Variants in TRPM1 observed in about 807,000 individuals in gnomAD.
TRPM1 encodes the protein transient receptor potential cation channel subfamily M member 1, also known as TRPM1-203 APA Isoform, Intron 10.
A neutral mutation model predicts 149.4 loss-of-function variants in TRPM1; 113 were observed. That is an observed-to-expected ratio of 0.76 (90% CI 0.65 to 0.88). TRPM1 has a LOEUF of 0.88. Ranked by LOEUF, TRPM1 falls within the 40% of genes least tolerant of loss-of-function variation. TRPM1 has a pLI of 0.00. For missense variants in TRPM1, 1,976 were observed against 2,038.7 expected (o/e 0.97, Z 0.59); for synonymous variants, 741 against 759.5 (o/e 0.98, Z 0.40).
chr15:31,088,749 A>C (rs552831810), intron 1 of TRPM1, among the ~76,000 whole-genome samples: 1 of 147,784 alleles, frequency 6.8e-6, no homozygotes, highest in African/African-American at 2.5e-5. Flanking sequence ...TCTTCCTGCT[A>C]CCTGTGGGAA....
rs764504417 is a variant in TRPM1 at position 31,002,987 on chromosome 15, C to G, written c.3713G>C (p.Arg1238Pro). 1 of 1,593,860 alleles carries G rather than the reference C, an allele frequency of 6.3e-7. No individual in the cohort carries two copies. The highest frequency in any genetic ancestry group is 2.2e-5 in the East Asian group (1 of 44,756). The part of the protein sequence containing the change: ...MKTSLQTVDL[R>P]LAQLEELSNR... ...AGATAATTCTTCTAGCTGAGCAAGTCGAAGGTCAACAGTCTGCAGGGAAGT... is the reference window on the plus strand; with the variant it reads ...AGATAATTCTTCTAGCTGAGCAAGTGGAAGGTCAACAGTCTGCAGGGAAGT... Residue 1238 changes from arginine to proline, a missense_variant, in exon 28 of 28, where the codon CGA (arginine) becomes CCA (proline). Coordinates refer to ENST00000256552, the MANE Select transcript of TRPM1 (RefSeq NM_001252024.2).
At position 31,067,942 on chromosome 15, in the gene TRPM1, T is replaced by C. The variant is rs1413143944; in HGVS notation, c.430A>G (p.Lys144Glu). Residue 144 changes from lysine (K) to glutamate (E), a missense_variant, in exon 5 of 28, where the codon AAA becomes GAA. Around this residue, in one of 3 missense-constraint regions of TRPM1, gnomAD observed 1,332 missense variants for 1,347.1 expected, o/e 0.99. Coordinates refer to ENST00000256552, the MANE Select transcript of TRPM1 (RefSeq NM_001252024.2). Reference sequence around the variant, plus strand: ...GTCATAGCAGCCTTGATCAGGCCTTTCCCAAAGACTTGTTTCAGCTTGGGC... The same window carrying C: ...GTCATAGCAGCCTTGATCAGGCCTTCCCCAAAGACTTGTTTCAGCTTGGGC... The part of the protein sequence containing the change: ...MQPKLKQVFG[K>E]GLIKAAMTTG... The C allele has an allele frequency of 6.2e-7, 1 of 1,614,126 alleles. No homozygotes were observed. The highest frequency in any genetic ancestry group is 2.2e-5 in the East Asian group (1 of 44,882).
chr15:31,088,838 C>A (rs138339963), intron 1 of TRPM1, among the ~76,000 whole-genome samples: 1 of 149,598 alleles, frequency 6.7e-6, no homozygotes, highest in Non-Finnish European at 1.5e-5. Flanking sequence ...TGTACCGGGG[C>A]GATGCGATAA....
At chr15:31,052,470 C>A (rs748212758) in intron 11 of TRPM1, among the ~76,000 whole-genome samples, 2 of 152,088 alleles carry the variant, frequency 1.3e-5, no homozygotes, top group African/African-American at 4.8e-5. Context: ...AACATAAAAT[C>A]GAAAACTACT....
intron 3 of TRPM1, among the ~76,000 whole-genome samples, chr15:31,075,881 G>GTT (rs201131359): frequency 1.1e-4 from 16 of 143,062 alleles, no homozygotes; most frequent in Admixed American, 2.1e-4. Flanking sequence ...TTTCATTCTA[G>GTT]TTTTTTTTTT....
chr15:31,088,876 C>A lies in TRPM1; in HGVS notation c.-83-7438G>T, dbSNP rs1006454371. Reference sequence around the variant, plus strand: ...CCTGCTGCGGGTATTGACATTTGGCCCCCCCGAGCGGGAGATCAGTGTTTG... The same window carrying A: ...CCTGCTGCGGGTATTGACATTTGGCACCCCCGAGCGGGAGATCAGTGTTTG... On this transcript the variant is annotated intron_variant, in intron 1 of 27. Transcript: ENST00000256552. 1.2e-3 allele frequency among the ~76,000 whole-genome samples: 4 copies of A among 3,456 alleles called. No individual in the cohort carries two copies. The Admixed American group carries it at 0.018, about 16-fold the overall frequency. The allele number at this position is 3,456 out of a possible 152,430, so 2.3% of individuals were successfully genotyped here.
chr15:31,157,920 G>A (rs1308100431), intron 1 of TRPM1, among the ~76,000 whole-genome samples: 1 of 152,110 alleles, frequency 6.6e-6, no homozygotes, highest in Non-Finnish European at 1.5e-5. Flanking sequence ...CAACAAACAC[G>A]GTGCAGAGGG....
rs1419061473 is a variant in TRPM1, at chr15:31,029,402, A to G, written c.3128-11T>C. 2 of 1,613,752 alleles carry G rather than the reference A, an allele frequency of 1.2e-6. No homozygotes were observed. Among genetic ancestry groups the G allele is most frequent in the Non-Finnish European group, 1.7e-6 (2 of 1,179,760 alleles). On this transcript the variant is annotated splice_polypyrimidine_tract_variant and intron_variant, in intron 23 of 27. Coordinates refer to ENST00000256552, the MANE Select transcript of TRPM1 (RefSeq NM_001252024.2). Reference sequence around the variant, plus strand: ...TTTCCATGGCGTAGACTACATGACGATTGGAAAGCAGGATTTTTGTTTTGT... The same window carrying G: ...TTTCCATGGCGTAGACTACATGACGGTTGGAAAGCAGGATTTTTGTTTTGT...
intron 1 of TRPM1, among the ~76,000 whole-genome samples, chr15:31,087,983 T>G (rs1355220040): frequency 1.3e-5 from 2 of 152,228 alleles, no homozygotes; most frequent in Non-Finnish European, 2.9e-5. Flanking sequence ...AAATTTTATG[T>G]TATGTGTATT....
chr15:31,144,544 T>A (rs1366751529), intron 1 of TRPM1, among the ~76,000 whole-genome samples: 2 of 152,108 alleles, frequency 1.3e-5, no homozygotes, highest in African/African-American at 2.4e-5. Flanking sequence ...ATTATATAAT[T>A]AATTATGTAA....
At chr15:31,112,768 C>G (rs2035708856) in intron 1 of TRPM1, among the ~76,000 whole-genome samples, 1 of 152,148 alleles carries the variant, frequency 6.6e-6, no homozygotes, top group African/African-American at 2.4e-5. Flanking sequence ...ATTTGGGCAA[C>G]TCTGCTTCCT....
At chr15:31,089,329 C>G (rs1437618106) in intron 1 of TRPM1, among the ~76,000 whole-genome samples, 1 of 151,834 alleles carries the variant, frequency 6.6e-6, no homozygotes, top group Non-Finnish European at 1.5e-5. Context: ...TGGTTGTTAA[C>G]TTTTCCCACT....
At chr15:31,033,733 A>G (rs1220771332) in intron 21 of TRPM1, among the ~76,000 whole-genome samples, 1 of 151,940 alleles carries the variant, frequency 6.6e-6, no homozygotes, top group African/African-American at 2.4e-5. Context: ...TCTCTCTCCT[A>G]TAACTGGGGG....
intron 16 of TRPM1, among the ~76,000 whole-genome samples, 158 bp downstream of exon 16, chr15:31,046,046 T>C (rs1044558242): frequency 1.3e-5 from 2 of 152,202 alleles, no homozygotes; most frequent in Non-Finnish European, 2.9e-5. Context: ...TTTATCCCCA[T>C]TAAAGAAAAT....
chr15:31,052,899 AATT>A (rs1467881066), intron 11 of TRPM1, among the ~76,000 whole-genome samples: 3 of 152,238 alleles, frequency 2.0e-5, no homozygotes, highest in Admixed American at 6.5e-5. Flanking sequence ...CAAACGGAAA[AATT>A]ATTAATAACA....
intron 3 of TRPM1, among the ~76,000 whole-genome samples, chr15:31,075,022 A>C (rs1260598536): frequency 6.6e-6 from 1 of 151,986 alleles, no homozygotes; most frequent in Non-Finnish European, 1.5e-5. Context: ...ATTTTATTAC[A>C]TTGTGGTTGG....
At position 31,063,242 on chromosome 15, in the gene TRPM1, T is replaced by C. The variant is rs2034283927; in HGVS notation, c.841A>G (p.Asn281Asp). ...TATTCCAAGACGATGGACACCACGT[T>C]AGGGCCCCCCTCCACCACGAGACCC... The part of the protein sequence containing the change: ...LVGLVVEGGP[N>D]VVSIVLEYLQ... Residue 281 changes from asparagine to aspartate, a missense_variant, in exon 8 of 28, where the codon AAC (asparagine) becomes GAC (aspartate). By Grantham distance (23) the Asn-to-Asp change is conservative. This residue lies in a region of TRPM1 where 1,332 missense variants were observed against 1,347.1 expected (regional missense o/e 0.99). Transcript: ENST00000256552. 1 of 1,614,024 alleles carries C rather than the reference T, an allele frequency of 6.2e-7. No homozygotes were observed. Among genetic ancestry groups the C allele is most frequent in the African/African-American group, 1.3e-5 (1 of 74,918 alleles).
intron 18 of TRPM1, among the ~76,000 whole-genome samples, chr15:31,038,661 G>A (rs2033506611): frequency 1.3e-5 from 2 of 152,112 alleles, no homozygotes; most frequent in African/African-American, 2.4e-5. Context: ...GCAGTGAGGC[G>A]AGATCGCGCC....
intron 25 of TRPM1, among the ~76,000 whole-genome samples, 190 bp downstream of exon 25, chr15:31,028,142 C>G (rs1202214905): frequency 6.6e-6 from 1 of 152,164 alleles, no homozygotes; most frequent in East Asian, 1.9e-4. Context: ...ATTTAAGTGT[C>G]AACTCTTGAT....
Sources: gnomAD v4.1 joint callset for allele counts (sites outside exome capture counted in the v4.1 genomes callset) on GRCh38, gnomAD v4.1.1 for gene constraint, gnomAD v4.1.1 regional missense constraint, MANE v1.5 for transcripts, NCBI Gene and HGNC (gene_info 2026-07-23, HGNC 2026-07-21) for gene names.